Variants in ASB5 observed in about 807,000 individuals in gnomAD.
The protein encoded by ASB5 is ankyrin repeat and SOCS box containing 5, also known as ankyrin repeat and SOCS box protein 5.
ASB5 carries 45 observed loss-of-function variants against 42.1 expected under a neutral mutation model. That is an observed-to-expected ratio of 1.07 (90% CI 0.84 to 1.37). ASB5 has a LOEUF of 1.37. Ranked by LOEUF, ASB5 falls within the 40% of genes most tolerant of loss-of-function variation. The pLI, the probability that ASB5 is intolerant of heterozygous loss-of-function variation, is 0.00. For missense variants in ASB5, 402 were observed against 399.8 expected (o/e 1.01, Z -0.05); for synonymous variants, 147 against 150.6 (o/e 0.98, Z 0.18).
At chr4:176,217,080 T>C in intron 5 of ASB5, 71 bp from the exon 6 acceptor site, 5 of 1,324,966 alleles carry the variant, frequency 3.8e-6, no homozygotes, top group Non-Finnish European at 5.2e-6. Flanking sequence ...TCAGTGGGGA[T>C]AGAAAAGGAA....
chr4:176,239,336 T>G (rs1753762851), intron 1 of ASB5, among the ~76,000 whole-genome samples: 1 of 152,224 alleles, frequency 6.6e-6, no homozygotes, highest in Non-Finnish European at 1.5e-5. Flanking sequence ...TTATACTTAT[T>G]ATTCTGTAAC....
chr4:176,217,145 T>C (rs1373677112), intron 5 of ASB5, 136 bp from the exon 6 acceptor site: 15 of 669,336 alleles, frequency 2.2e-5, no homozygotes, highest in Non-Finnish European at 3.8e-5. Flanking sequence ...TATGAGTTAT[T>C]TCTTTATATA....
At chr4:176,232,248 A>G (rs1753568515) in intron 1 of ASB5, among the ~76,000 whole-genome samples, 1 of 151,410 alleles carries the variant, frequency 6.6e-6, no homozygotes, top group African/African-American at 2.4e-5. Flanking sequence ...TCAGCCACCC[A>G]AGTAGCTAGG....
chr4:176,248,792 A>AT (rs904013908), intron 1 of ASB5, among the ~76,000 whole-genome samples: 6 of 152,190 alleles, frequency 3.9e-5, no homozygotes, highest in African/African-American at 1.4e-4. Context: ...TCAATATGAG[A>AT]TGTATGCATA....
chr4:176,273,484 A>G (rs527497092), upstream of ASB5, among the ~76,000 whole-genome samples: 22 of 152,334 alleles, frequency 1.4e-4, no homozygotes, highest in South Asian at 1.4e-3. Flanking sequence ...GGCAAATGGA[A>G]CCCTTAGATG....
chr4:176,265,144 T>C (rs1754332486), intron 1 of ASB5, among the ~76,000 whole-genome samples: 1 of 152,172 alleles, frequency 6.6e-6, no homozygotes, highest in Admixed American at 6.5e-5. Context: ...AAGTTAAGTC[T>C]GAATTGTTTA....
At chr4:176,237,561 A>G (rs771993089) in intron 1 of ASB5, 6 of 985,590 alleles carry the variant, frequency 6.1e-6, no homozygotes, top group Non-Finnish European at 7.2e-6. Context: ...CTAACTTGAG[A>G]TGTCTTCAAC....
At chr4:176,236,060 G>C (rs1414680102) in intron 1 of ASB5, among the ~76,000 whole-genome samples, 1 of 152,006 alleles carries the variant, frequency 6.6e-6, no homozygotes, top group East Asian at 1.9e-4. Flanking sequence ...AAATTGTATA[G>C]AAAATTAGAT....
At chr4:176,249,072 T>G (rs1045096343) in intron 1 of ASB5, among the ~76,000 whole-genome samples, 5 of 152,238 alleles carry the variant, frequency 3.3e-5, no homozygotes, top group Middle Eastern at 3.2e-3. Flanking sequence ...GTCCCAACGA[T>G]TCTCCTGCCT....
intron 1 of ASB5, among the ~76,000 whole-genome samples, chr4:176,245,083 C>G (rs1753883905): frequency 1.3e-5 from 2 of 152,136 alleles, no homozygotes; most frequent in Non-Finnish European, 2.9e-5. Flanking sequence ...TATTCATTAC[C>G]AGGAAGTGAT....
At chr4:176,253,326 T>C (rs1275992932) in intron 1 of ASB5, among the ~76,000 whole-genome samples, 1 of 152,226 alleles carries the variant, frequency 6.6e-6, no homozygotes, top group Non-Finnish European at 1.5e-5. Context: ...ATACACAATT[T>C]ATAAAGCACA....
chr4:176,219,108 A>G (rs1164864122), intron 5 of ASB5, among the ~76,000 whole-genome samples: 1 of 107,856 alleles, frequency 9.3e-6, no homozygotes. Flanking sequence ...AAATATATAT[A>G]TATATTTGTA....
Position 176,221,551 on chromosome 4 carries a change from G to T in ASB5, c.434C>A (p.Ser145Tyr). The part of the protein sequence containing the change: ...DGVTPLFNAC[S>Y]QGSPSCAELL... ...CTCTGCACAGCTTGGACTGCCTTGG[G>T]AGCATGCGTTGAATAACGGAGTCAC... is the stretch of plus-strand genomic sequence containing the variant. The change falls in exon 4 of 7, where the codon TCC (serine) becomes TAC (tyrosine). Residue 145 changes from serine (S) to tyrosine (Y), a missense_variant. Ser to Tyr is a moderately radical substitution (Grantham distance 144, BLOSUM62 -2). Coordinates refer to ENST00000296525, the MANE Select transcript of ASB5 (RefSeq NM_080874.4). 6.2e-7 allele frequency: 1 copy of T among 1,613,930 alleles called. No individual in the cohort carries two copies. The highest frequency in any genetic ancestry group is 1.1e-5 in the South Asian group (1 of 91,070).
At chr4:176,258,081 C>T (rs1434087112) in intron 1 of ASB5, among the ~76,000 whole-genome samples, 1 of 152,102 alleles carries the variant, frequency 6.6e-6, no homozygotes, top group Non-Finnish European at 1.5e-5. Context: ...TCCTGTGTTA[C>T]TAAATTATAG....
rs528280182 is a variant in ASB5 at position 176,269,113 on chromosome 4, G to A, written c.-5C>T. Reference sequence around the variant, plus strand: ...ATTTTCTTCTAACACCGACATTGCTGCAGAAGAATCTGCGGCGGTCTTTAG... The same window carrying A: ...ATTTTCTTCTAACACCGACATTGCTACAGAAGAATCTGCGGCGGTCTTTAG... On this transcript the variant is annotated 5_prime_UTR_variant, in exon 1 of 7. Coordinates refer to ENST00000296525, the MANE Select transcript of ASB5 (RefSeq NM_080874.4). The A allele has an allele frequency of 4.7e-5, 76 of 1,608,064 alleles. No individual in the cohort carries two copies. The Admixed American group carries it at 5.2e-4, about 11-fold the overall frequency.
intron 5 of ASB5, among the ~76,000 whole-genome samples, chr4:176,217,315 T>C (rs998174871): frequency 1.3e-5 from 2 of 152,140 alleles, no homozygotes; most frequent in African/African-American, 4.8e-5. Flanking sequence ...TTTTAACTTT[T>C]AAATGATTCC....
At chr4:176,217,102 G>A in intron 5 of ASB5, 93 bp from the exon 6 acceptor site, 1 of 1,083,854 alleles carries the variant, frequency 9.2e-7, no homozygotes, top group South Asian at 1.6e-5. Context: ...GGCAATAGAG[G>A]AAGGTTATTA....
intron 2 of ASB5, among the ~76,000 whole-genome samples, chr4:176,222,756 T>C: frequency 6.6e-6 from 1 of 152,074 alleles, no homozygotes; most frequent in African/African-American, 2.4e-5. Context: ...ACTCGTTTTG[T>C]AGAACTAAAG....
In ASB5 at chr4:176,238,594, G is replaced by C. The variant is rs536506681; in HGVS notation, c.197-13253C>G. ...TAACTGAGCTGGTGATCACGTTACA[G>C]AGTATTAACATACTGAAATCTGTCT... On this transcript the variant is annotated intron_variant, in intron 1 of 6. Coordinates refer to ENST00000296525, the MANE Select transcript of ASB5 (RefSeq NM_080874.4). Among the ~76,000 whole-genome samples the C allele has an allele frequency of 5.4e-4, 83 of 152,306 alleles. 1 individual carries two copies. In the South Asian group the frequency reaches 0.017, roughly 31 times the overall value.
Sources: gnomAD v4.1 joint callset for allele counts (sites outside exome capture counted in the v4.1 genomes callset) on GRCh38, gnomAD v4.1.1 for gene constraint, MANE v1.5 for transcripts, NCBI Gene and HGNC (gene_info 2026-07-23, HGNC 2026-07-21) for gene names.